The following AAGAB variants were observed in gnomAD, a reference collection of about 807,000 sequenced individuals.
AAGAB encodes alpha- and gamma-adaptin-binding protein p34.
AAGAB carries 38 observed loss-of-function variants against 44.1 expected under a neutral mutation model. The observed-to-expected ratio is 0.86, with a 90% CI of 0.67 to 1.13. The LOEUF (loss-of-function observed/expected upper bound fraction) is 1.13, where lower values mean the gene tolerates loss of function less well. AAGAB is among the 50% of genes most tolerant of loss of function. The pLI is 0.00. For synonymous variants in AAGAB, 131 were observed against 131.8 expected (o/e 0.99, Z 0.04); for missense variants, 450 against 373.8 (o/e 1.20, Z -1.68).
At chr15:67,225,714 G>A (rs1336935723) in intron 5 of AAGAB, among the ~76,000 whole-genome samples, 2 of 152,072 alleles carry the variant, frequency 1.3e-5, no homozygotes, top group African/African-American at 4.8e-5. Flanking sequence ...CCACATTGTA[G>A]CATATATTCA....
chr15:67,235,859 A>T, intron 4 of AAGAB, 120 bp downstream of exon 4: 1 of 764,072 alleles, frequency 1.3e-6, no homozygotes, highest in Non-Finnish European at 2.1e-6. Context: ...GATTTTGCTT[A>T]AATCCTTGAA....
At chr15:67,240,274 T>A (rs1187854431) in intron 1 of AAGAB, among the ~76,000 whole-genome samples, 1 of 152,186 alleles carries the variant, frequency 6.6e-6, no homozygotes, top group East Asian at 1.9e-4. Context: ...GTTGTTGTTT[T>A]TTTGTTTTTT....
intron 5 of AAGAB, among the ~76,000 whole-genome samples, chr15:67,223,495 A>G (rs1360179256): frequency 1.3e-5 from 2 of 152,162 alleles, no homozygotes; most frequent in Non-Finnish European, 2.9e-5. Context: ...AACTATCAGG[A>G]AACCATGCTG....
At chr15:67,222,241 C>CGCGCGCGT (rs1555417872) in intron 5 of AAGAB, among the ~76,000 whole-genome samples, 1 of 52,734 alleles carries the variant, frequency 1.9e-5, no homozygotes, top group East Asian at 4.7e-4. Flanking sequence ...CGCGCGCGCG[C>CGCGCGCGT]GCACACACAC....
chr15:67,237,463 A>G (rs1371102134), intron 1 of AAGAB, among the ~76,000 whole-genome samples: 1 of 152,242 alleles, frequency 6.6e-6, no homozygotes, highest in African/African-American at 2.4e-5. Context: ...ATAGCCAAGC[A>G]AATTACTATA....
chr15:67,228,384 C>A (rs1964253659), intron 5 of AAGAB, among the ~76,000 whole-genome samples: 1 of 152,128 alleles, frequency 6.6e-6, no homozygotes, highest in South Asian at 2.1e-4. Flanking sequence ...AAGGACCAAG[C>A]CTTAATTTGA....
chr15:67,240,633 C>T (rs898194332), intron 1 of AAGAB, among the ~76,000 whole-genome samples: 1 of 152,170 alleles, frequency 6.6e-6, no homozygotes, highest in African/African-American at 2.4e-5. Context: ...AAGTATAAAC[C>T]TCTATCCCGA....
chr15:67,247,081 C>T (rs750934663), intron 1 of AAGAB, among the ~76,000 whole-genome samples: 11 of 152,178 alleles, frequency 7.2e-5, no homozygotes, highest in Admixed American at 1.3e-4. Flanking sequence ...GACCAAGAAC[C>T]CACTGGGAGG....
At chr15:67,216,475 G>GAAAATTAA (rs1963952726) in intron 5 of AAGAB, among the ~76,000 whole-genome samples, 2 of 101,754 alleles carry the variant, frequency 2.0e-5, no homozygotes, top group African/African-American at 7.2e-5. Context: ...AAAACAAGAA[G>GAAAATTAA]AAAATTAAAT....
chr15:67,203,157 T>A (rs1042157546), intron 9 of AAGAB, among the ~76,000 whole-genome samples: 1 of 152,164 alleles, frequency 6.6e-6, no homozygotes, highest in African/African-American at 2.4e-5. Flanking sequence ...AAGCAAAAAA[T>A]GCACATGACC....
chr15:67,210,596 T>C (rs1963795409), intron 5 of AAGAB, among the ~76,000 whole-genome samples: 2 of 152,176 alleles, frequency 1.3e-5, no homozygotes, highest in Non-Finnish European at 2.9e-5. Context: ...AGTATGCTGT[T>C]TGTATTTACA....
rs1051751233 is a variant in AAGAB, at chr15:67,202,697, C to T, written c.*124G>A. On this transcript the variant is annotated 3_prime_UTR_variant, in exon 10 of 10. Transcript: ENST00000261880. ...CTACTAAAAACTAAAATTAAGGGGA[C>T]CCTATAAACAAGTCAGGCAGCCAAC... 6.3e-6 allele frequency: 5 copies of T among 789,908 alleles called. No individual in the cohort carries two copies. The highest frequency in any genetic ancestry group is 8.6e-6 in the Non-Finnish European group (4 of 465,480). 48.9% of individuals were successfully genotyped at this position (789,908 alleles called of 1,614,324 possible).
chr15:67,239,935 C>T (rs1057062757), intron 1 of AAGAB, among the ~76,000 whole-genome samples: 2 of 152,160 alleles, frequency 1.3e-5, no homozygotes, highest in African/African-American at 4.8e-5. Context: ...GATGAGGAAA[C>T]TGAGGCCCAG....
At chr15:67,232,460 A>C (rs1964362587) in intron 4 of AAGAB, 1 of 252,856 alleles carries the variant, frequency 4.0e-6, no homozygotes. Context: ...ATGACATGGT[A>C]ACTATCCAAA....
intron 5 of AAGAB, among the ~76,000 whole-genome samples, chr15:67,222,610 T>A (rs1450692871): frequency 6.6e-6 from 1 of 152,058 alleles, no homozygotes; most frequent in South Asian, 2.1e-4. Flanking sequence ...CTAGGTTTAT[T>A]TTCCTCCTCC....
rs563091902 is a variant in AAGAB at position 67,216,600 on chromosome 15, A to G, written c.536-7056T>C. ...ATAAACTGAACTAAACATCAGAGTG[A>G]GTGCTATCCTCTCCAATGTTGTAAA... On this transcript the variant is annotated intron_variant, in intron 5 of 9. Coordinates refer to ENST00000261880, the MANE Select transcript of AAGAB (RefSeq NM_024666.5). Among the ~76,000 whole-genome samples, 221 of 151,612 alleles carry G rather than the reference A, an allele frequency of 1.5e-3. 1 individual carries two copies. The highest frequency in any genetic ancestry group is 1.4e-3 in the Non-Finnish European group (95 of 67,902).
chr15:67,250,736 C>T (rs1216565528), intron 1 of AAGAB, among the ~76,000 whole-genome samples: 1 of 152,132 alleles, frequency 6.6e-6, no homozygotes, highest in East Asian at 1.9e-4. Context: ...TTTAAAAAAT[C>T]TACCCTGTCG....
At chr15:67,255,034 C>A, upstream of AAGAB, 1 of 1,295,468 alleles carries the variant, frequency 7.7e-7, no homozygotes, top group Non-Finnish European at 1.1e-6. Context: ...CGACGCTCAC[C>A]CATTTGGTGC....
intron 5 of AAGAB, among the ~76,000 whole-genome samples, chr15:67,210,291 C>T (rs753045969): frequency 7.2e-5 from 11 of 152,070 alleles, no homozygotes; most frequent in Admixed American, 2.6e-4. Context: ...CCGAGGCCGG[C>T]GGATCACAAG....
Sources: allele counts gnomAD v4.1 joint callset (sites outside exome capture counted in the v4.1 genomes callset), GRCh38; gene constraint gnomAD v4.1.1; transcripts MANE v1.5; gene names NCBI Gene and HGNC (gene_info 2026-07-23, HGNC 2026-07-21).